MACC1: variants seen among roughly 807,000 people sequenced by gnomAD.
MACC1 encodes MET transcriptional regulator MACC1.
A neutral mutation model predicts 70.7 loss-of-function variants in MACC1; 79 were observed. That is an observed-to-expected ratio of 1.12 (90% confidence interval 0.93 to 1.35). MACC1 has a LOEUF of 1.35. Among genes scored for constraint, MACC1 ranks in the 40% most tolerant of loss-of-function variants. The probability of loss-of-function intolerance (pLI) is 0.00; values close to 1 mark genes in which losing one functional copy is unlikely to be tolerated. For synonymous variants in MACC1, 361 were observed against 347.2 expected (o/e 1.04, Z -0.44); for missense variants, 1,106 against 978.1 (o/e 1.13, Z -1.74).
chr7:20,172,610 GAATAAAATACAA>G (rs1037085017), intron 1 of MACC1, among the ~76,000 whole-genome samples: 2 of 152,074 alleles, frequency 1.3e-5, no homozygotes, highest in Non-Finnish European at 2.9e-5. Flanking sequence ...AGTGGAAACA[GAATAAAATACAA>G]AATAAAATAC....
chr7:20,159,530 TAACA>T lies in MACC1; in HGVS notation c.827_830del (p.Met276LysfsTer14). 1 of 1,614,162 alleles carries T rather than the reference TAACA, an allele frequency of 6.2e-7. No homozygotes were observed. The highest frequency in any genetic ancestry group is 1.1e-5 in the South Asian group (1 of 91,080). Reference sequence around the variant, plus strand: ...GGGCTTCCATTGTATTGAGGTTGCCTAACATGATTTCCAACAACGGGCTCACAGT... The same window carrying T: ...GGGCTTCCATTGTATTGAGGTTGCCTTGATTTCCAACAACGGGCTCACAGT... On this transcript the variant is annotated frameshift_variant, in exon 5 of 7. Coordinates refer to ENST00000400331, the MANE Select transcript of MACC1 (RefSeq NM_182762.4). LOFTEE classifies it high-confidence loss of function.
intron 2 of MACC1, among the ~76,000 whole-genome samples, chr7:20,169,890 G>T (rs1417605791): frequency 2.0e-5 from 3 of 152,168 alleles, no homozygotes; most frequent in African/African-American, 7.2e-5. Flanking sequence ...TTTTCCTCTG[G>T]TCTCTCCCTC....
chr7:20,186,588 T>C (rs1263692906), intron 1 of MACC1, among the ~76,000 whole-genome samples: 1 of 151,942 alleles, frequency 6.6e-6, no homozygotes, highest in African/African-American at 2.4e-5. Flanking sequence ...TAAAATACTA[T>C]GTGGAAACTG....
At chr7:20,148,746 A>G (rs1317569695) in intron 6 of MACC1, among the ~76,000 whole-genome samples, 1 of 152,212 alleles carries the variant, frequency 6.6e-6, no homozygotes, top group Non-Finnish European at 1.5e-5. Context: ...ATAGAATTGT[A>G]CAAAGTAGAC....
chr7:20,158,283 A>G lies in MACC1; in HGVS notation c.2078T>C (p.Val693Ala). 1 of 1,612,452 alleles carries G rather than the reference A, an allele frequency of 6.2e-7. No individual in the cohort carries two copies. Among genetic ancestry groups the G allele is most frequent in the Non-Finnish European group, 8.5e-7 (1 of 1,179,674 alleles). The change falls in exon 5 of 7, where the codon GTT becomes GCT. Residue 693 changes from valine (V) to alanine (A), a missense_variant. Transcript: ENST00000400331. ...QIQADKESEK[V>A]SYVIKKLKED... ...CTTTAACTTCTTTATAACATAAGAAACTTTCTCTGATTCTTTGTCTGCTTG... is the reference window on the plus strand; with the variant it reads ...CTTTAACTTCTTTATAACATAAGAAGCTTTCTCTGATTCTTTGTCTGCTTG...
intron 6 of MACC1, among the ~76,000 whole-genome samples, chr7:20,152,812 A>G (rs1782000066): frequency 6.6e-6 from 1 of 152,184 alleles, no homozygotes; most frequent in East Asian, 1.9e-4. Flanking sequence ...AGAATAAATA[A>G]CTCTGATAAA....
At chr7:20,190,040 G>C (rs1325815479) in intron 1 of MACC1, among the ~76,000 whole-genome samples, 2 of 152,128 alleles carry the variant, frequency 1.3e-5, no homozygotes, top group Non-Finnish European at 2.9e-5. Flanking sequence ...TCCTATTCAT[G>C]AGGGCCCCAC....
chr7:20,183,304 T>C (rs757373683), intron 1 of MACC1, among the ~76,000 whole-genome samples: 3 of 152,210 alleles, frequency 2.0e-5, no homozygotes, highest in South Asian at 2.1e-4. Flanking sequence ...CTGGCTGTAG[T>C]TGGCAAGAAA....
At chr7:20,183,414 CG>C (rs1782540171) in intron 1 of MACC1, among the ~76,000 whole-genome samples, 3 of 152,180 alleles carry the variant, frequency 2.0e-5, no homozygotes, top group Non-Finnish European at 4.4e-5. Flanking sequence ...TAGGAGAATT[CG>C]GTTCAAATGA....
At chr7:20,144,257 A>G (rs1222684677) in intron 6 of MACC1, among the ~76,000 whole-genome samples, 4 of 152,236 alleles carry the variant, frequency 2.6e-5, no homozygotes, top group Admixed American at 2.6e-4. Context: ...AGAAGCTTAT[A>G]GCGTAGGAAG....
At chr7:20,166,904 T>C (rs1444652356) in intron 2 of MACC1, among the ~76,000 whole-genome samples, 1 of 152,168 alleles carries the variant, frequency 6.6e-6, no homozygotes, top group Admixed American at 6.5e-5. Flanking sequence ...ATCAGGGATA[T>C]AAAAACAGTA....
At chr7:20,216,291 C>T (rs752217430) in intron 1 of MACC1, among the ~76,000 whole-genome samples, 3 of 152,106 alleles carry the variant, frequency 2.0e-5, no homozygotes, top group Non-Finnish European at 4.4e-5. Context: ...ATTTTCACTA[C>T]ATGCTTTTTG....
chr7:20,170,189 C>T (rs1782283429), intron 2 of MACC1: 1 of 152,240 alleles, frequency 6.6e-6, no homozygotes, highest in African/African-American at 2.4e-5. Context: ...AATGAATTCA[C>T]TGGTCTGAGC....
chr7:20,208,884 C>A (rs1782953650), intron 1 of MACC1, among the ~76,000 whole-genome samples: 1 of 152,158 alleles, frequency 6.6e-6, no homozygotes, highest in East Asian at 1.9e-4. Flanking sequence ...GGACATGGTT[C>A]CCTGTGTCCC....
chr7:20,202,016 T>C (rs1299257435), intron 1 of MACC1, among the ~76,000 whole-genome samples: 1 of 152,222 alleles, frequency 6.6e-6, no homozygotes, highest in Non-Finnish European at 1.5e-5. Context: ...AGGTGTTTAG[T>C]GTGAATAAAT....
intron 3 of MACC1, among the ~76,000 whole-genome samples, chr7:20,163,134 T>C (rs947352870): frequency 6.6e-6 from 1 of 152,126 alleles, no homozygotes; most frequent in Admixed American, 6.5e-5. Flanking sequence ...TGAACATTTC[T>C]CAAAAAATGG....
At chr7:20,161,964 G>T in intron 3 of MACC1, 94 bp from the exon 4 acceptor site, 1 of 732,604 alleles carries the variant, frequency 1.4e-6, no homozygotes, top group Non-Finnish European at 2.4e-6. Flanking sequence ...TTTCTATAAA[G>T]AACTACATGT....
At chr7:20,202,860 T>A (rs746460019) in intron 1 of MACC1, among the ~76,000 whole-genome samples, 26 of 152,228 alleles carry the variant, frequency 1.7e-4, no homozygotes, top group Non-Finnish European at 3.1e-4. Context: ...GTTTCAGTTA[T>A]TCCTAGTCTA....
At position 20,137,335 on chromosome 7, in the gene MACC1, G is replaced by A. The variant is rs765356329; in HGVS notation, c.*3611C>T. On this transcript the variant is annotated 3_prime_UTR_variant, in exon 7 of 7. Coordinates refer to ENST00000400331, the MANE Select transcript of MACC1 (RefSeq NM_182762.4). ...AGAAACCTAGTCATCCCCAAACTGA[G>A]AACTTTATATAGTATGTTCTACATT... 2 of 152,078 alleles carry A rather than the reference G, an allele frequency of 1.3e-5. No homozygotes were observed. The highest frequency in any genetic ancestry group is 2.9e-5 in the Non-Finnish European group (2 of 68,026). 9.4% of individuals were successfully genotyped at this position (152,078 alleles called of 1,614,324 possible).
Sources: allele counts gnomAD v4.1 joint callset (sites outside exome capture counted in the v4.1 genomes callset), GRCh38; gene constraint gnomAD v4.1.1; transcripts MANE v1.5; gene names NCBI Gene and HGNC (gene_info 2026-07-23, HGNC 2026-07-21).